Variants in LAMC1 observed in about 807,000 individuals in gnomAD.
The protein encoded by LAMC1 is laminin subunit gamma-1.
LAMC1 carries 38 observed loss-of-function variants against 173.6 expected under a neutral mutation model. The ratio of observed to expected loss-of-function variants is 0.22; its 90% CI spans 0.17 to 0.29. LAMC1 has a LOEUF of 0.29. Among genes scored for constraint, LAMC1 ranks in the 10% least tolerant of loss-of-function variants. The pLI, the probability that LAMC1 is intolerant of heterozygous loss-of-function variation, is 1.00. For synonymous variants in LAMC1, 746 were observed against 749.1 expected (o/e 1.00, Z 0.07); for missense variants, 1,824 against 2,051.8 (o/e 0.89, Z 2.14).
At chr1:183,142,382 A>G (rs1310949275) in intron 27 of LAMC1, 152 bp from the exon 28 acceptor site, 2 of 743,352 alleles carry the variant, frequency 2.7e-6, no homozygotes, top group East Asian at 5.2e-5. Flanking sequence ...ATTTTATACC[A>G]TTGTGTGACA....
chr1:183,042,926 T>G (rs1158182413), intron 1 of LAMC1, among the ~76,000 whole-genome samples: 1 of 152,210 alleles, frequency 6.6e-6, no homozygotes, highest in East Asian at 1.9e-4. Flanking sequence ...TGAATTCACT[T>G]GACGATGCTG....
In LAMC1 at chr1:183,124,861, G is replaced by C. The variant is rs1295390777; in HGVS notation, c.2632G>C (p.Ala878Pro). Reference protein sequence around the residue: ...FFGNPLAPNPADKCKACNCNL... With the variant: ...FFGNPLAPNPPDKCKACNCNL... ...TGGAAATCCCCTGGCTCCCAATCCA[G>C]CAGACAAATGCAAAGGTAATCAGCC... Residue 878 changes from alanine to proline, a missense_variant, in exon 14 of 28, where the codon GCA becomes CCA. Transcript: ENST00000258341. The C allele has an allele frequency of 7.4e-6, 12 of 1,613,972 alleles. No individual in the cohort carries two copies. The Admixed American group carries it at 1.7e-4, about 22-fold the overall frequency.
chr1:183,081,585 T>C (rs1394762633), intron 1 of LAMC1, among the ~76,000 whole-genome samples: 1 of 151,112 alleles, frequency 6.6e-6, no homozygotes, highest in Non-Finnish European at 1.5e-5. Context: ...AATAAATAAA[T>C]AAATAAATAA....
intron 1 of LAMC1, among the ~76,000 whole-genome samples, chr1:183,025,127 A>G (rs1318021666): frequency 1.5e-5 from 2 of 130,076 alleles, no homozygotes; most frequent in East Asian, 4.9e-4. Context: ...TATTACCAGT[A>G]GCTGGTACTA....
intron 13 of LAMC1, among the ~76,000 whole-genome samples, chr1:183,123,020 T>G (rs1387965209): frequency 6.6e-6 from 1 of 152,252 alleles, no homozygotes; most frequent in Non-Finnish European, 1.5e-5. Flanking sequence ...TGCTGTGATT[T>G]TGATTCACAT....
At chr1:183,053,806 A>T (rs991890621) in intron 1 of LAMC1, among the ~76,000 whole-genome samples, 1 of 151,954 alleles carries the variant, frequency 6.6e-6, no homozygotes, top group Non-Finnish European at 1.5e-5. Context: ...TTTGTATTTT[A>T]GTAGAGACGG....
rs1217068261 is a variant in LAMC1 at position 183,137,761 on chromosome 1, G to A, written c.4407G>A (p.Gln1469=). 2.5e-6 allele frequency: 4 copies of A among 1,611,952 alleles called. No individual in the cohort carries two copies. Among genetic ancestry groups the A allele is most frequent in the Non-Finnish European group, 3.4e-6 (4 of 1,178,794 alleles). Residue 1469 remains glutamine (Q), a synonymous_variant, in exon 26 of 28, where the codon CAG becomes CAA. Transcript: ENST00000258341. ...TGAACAATATGTTGAAGCAACTGCAGGAAGCAGAAAAAGAGCTAAAGAGAA... is the reference window on the plus strand; with the variant it reads ...TGAACAATATGTTGAAGCAACTGCAAGAAGCAGAAAAAGAGCTAAAGAGAA... ...NEVNNMLKQL[Q]EAEKELKRKQ... is the part of the protein sequence containing the mutation.
rs751431729 is a variant in LAMC1 at position 183,124,845 on chromosome 1, C to T, written c.2616C>T (p.Pro872=). The change falls in exon 14 of 28, where the codon CCC becomes CCT. Residue 872 remains proline (P), a synonymous_variant. Transcript: ENST00000258341. ...DRCKDGFFGN[P]LAPNPADKCK... ...GCAAAGACGGATTTTTTGGAAATCC[C>T]CTGGCTCCCAATCCAGCAGACAAAT... 5 of 1,613,982 alleles carry T rather than the reference C, an allele frequency of 3.1e-6. No homozygotes were observed. The African/African-American group carries it at 5.3e-5, about 17-fold the overall frequency.
intron 27 of LAMC1, among the ~76,000 whole-genome samples, chr1:183,142,272 C>A (rs1375653219): frequency 6.6e-6 from 1 of 152,192 alleles, no homozygotes; most frequent in African/African-American, 2.4e-5. Flanking sequence ...AAACATTCTG[C>A]AAAAACCATT....
At chr1:183,051,495 C>T (rs1269753520) in intron 1 of LAMC1, among the ~76,000 whole-genome samples, 4 of 152,214 alleles carry the variant, frequency 2.6e-5, no homozygotes, top group Non-Finnish European at 5.9e-5. Flanking sequence ...CAGCTGAACC[C>T]TTCCCAAATT....
At chr1:183,070,741 A>G (rs1654990659) in intron 1 of LAMC1, among the ~76,000 whole-genome samples, 1 of 152,132 alleles carries the variant, frequency 6.6e-6, no homozygotes, top group Non-Finnish European at 1.5e-5. Flanking sequence ...TCAAAATCTT[A>G]AATGGGAGTT....
intron 16 of LAMC1, 66 bp downstream of exon 16, chr1:183,126,328 A>C: frequency 6.4e-7 from 1 of 1,563,948 alleles, no homozygotes; most frequent in Admixed American, 1.8e-5. Flanking sequence ...TTAAGGCCAG[A>C]AAGGACTTTG....
intron 1 of LAMC1, among the ~76,000 whole-genome samples, chr1:183,100,060 CAG>C (rs1347402830): frequency 2.0e-5 from 3 of 152,196 alleles, no homozygotes; most frequent in South Asian, 2.1e-4. Flanking sequence ...GACAATGAAA[CAG>C]GGTACTAACA....
chr1:183,063,035 G>A (rs148119897), intron 1 of LAMC1, among the ~76,000 whole-genome samples: 2 of 152,316 alleles, frequency 1.3e-5, no homozygotes, highest in East Asian at 1.9e-4. Context: ...TACATTTTGA[G>A]GGCAGGAAGG....
chr1:183,087,724 G>C (rs1243420218), intron 1 of LAMC1, among the ~76,000 whole-genome samples: 2 of 152,086 alleles, frequency 1.3e-5, no homozygotes, highest in Non-Finnish European at 2.9e-5. Flanking sequence ...AGGACTAGAG[G>C]CTTCTTTCCC....
chr1:183,096,541 A>G (rs1042308256), intron 1 of LAMC1: 2 of 152,222 alleles, frequency 1.3e-5, no homozygotes, highest in Non-Finnish European at 2.9e-5. Context: ...TGTGATAGGA[A>G]GTGCTTATTG....
intron 1 of LAMC1, among the ~76,000 whole-genome samples, chr1:183,087,402 C>T (rs573549762): frequency 3.9e-5 from 6 of 152,230 alleles, no homozygotes; most frequent in South Asian, 2.1e-4. Context: ...CAAAATCTTA[C>T]GTTCTTATGT....
intron 24 of LAMC1, among the ~76,000 whole-genome samples, chr1:183,135,380 C>T (rs1656909364): frequency 6.6e-6 from 1 of 152,058 alleles, no homozygotes; most frequent in African/African-American, 2.4e-5. Context: ...ACTCACATAA[C>T]CAAGATGCCT....
Position 183,143,580 on chromosome 1 carries a change from T to C in LAMC1, c.*790T>C, listed in dbSNP as rs1352484877. The C allele has an allele frequency of 1.3e-5, 2 of 152,620 alleles. No homozygotes were observed. The highest frequency in any genetic ancestry group is 2.9e-5 in the Non-Finnish European group (2 of 68,042). The allele number at this position is 152,620 out of a possible 1,614,324, so 9.5% of individuals were successfully genotyped here. On this transcript the variant is annotated 3_prime_UTR_variant, in exon 28 of 28. Transcript: ENST00000258341. ...GACCAAAAGACATCTTTTGATATTC[T>C]TATAAATGGAACTTACACAGAAGAA...
Sources: gnomAD v4.1 joint callset for allele counts (sites outside exome capture counted in the v4.1 genomes callset) on GRCh38, gnomAD v4.1.1 for gene constraint, MANE v1.5 for transcripts, NCBI Gene and HGNC (gene_info 2026-07-23, HGNC 2026-07-21) for gene names.